Variants in CTDSP1 observed in about 807,000 individuals in gnomAD.
CTDSP1 encodes carboxy-terminal domain RNA polymerase II polypeptide A small phosphatase 1.
CTDSP1 carries 15 observed loss-of-function variants against 32.5 expected under a neutral mutation model. That is an observed-to-expected ratio of 0.46 (90% CI 0.31 to 0.71). The LOEUF (loss-of-function observed/expected upper bound fraction) is 0.71. Ranked by LOEUF, CTDSP1 falls within the 30% of genes least tolerant of loss-of-function variation. The probability of loss-of-function intolerance (pLI) is 0.05; values close to 1 mark genes in which losing one functional copy is unlikely to be tolerated. For missense variants in CTDSP1, 294 were observed against 351.1 expected, an observed-to-expected ratio of 0.84 and a Z score of 1.30; for synonymous variants, 185 against 145.4, an observed-to-expected ratio of 1.27 and a Z score of -1.96.
intron 1 of CTDSP1, 21 bp downstream of exon 1, chr2:218,400,178 G>T: frequency 6.5e-7 from 1 of 1,534,632 alleles, no homozygotes; most frequent in Non-Finnish European, 8.8e-7. Context: ...TGCGGGGAGG[G>T]GGCCGAAGCC....
At chr2:218,403,480 C>G in intron 6 of CTDSP1, 63 bp downstream of exon 6, 1 of 1,461,122 alleles carries the variant, frequency 6.8e-7, no homozygotes. Flanking sequence ...TCAGTCCATT[C>G]AGGCCACCTT....
chr2:218,397,379 G>T (rs1696874531), upstream of CTDSP1, among the ~76,000 whole-genome samples: 1 of 152,134 alleles, frequency 6.6e-6, no homozygotes, highest in African/African-American at 2.4e-5. Flanking sequence ...TCTTCTGGAA[G>T]CTCCCTTTAG....
chr2:218,401,068 C>T (rs560513807), intron 1 of CTDSP1: 1 of 395,064 alleles, frequency 2.5e-6, no homozygotes, highest in Non-Finnish European at 5.2e-6. Context: ...CCACTGGACA[C>T]TGGCCCCAGG....
intron 1 of CTDSP1, chr2:218,400,875 C>T (rs1697096104): frequency 1.1e-5 from 5 of 456,074 alleles, no homozygotes; most frequent in Non-Finnish European, 2.2e-5. Context: ...GTGTGGACCT[C>T]AGGATCTGGA....
rs1384862455 is a variant in CTDSP1 at position 218,400,133 on chromosome 2, G to A, written c.43G>A (p.Ala15Thr). ...CATTACTCAGATCAGCAAGGAGGAG[G>A]CTCGGGGCCCGCTGCGGGGCAAAGG... ...AVITQISKEE[A>T]RGPLRGKGDQ... The change falls in exon 1 of 7, where the codon GCT (alanine) becomes ACT (threonine). Residue 15 changes from alanine to threonine, a missense_variant. Coordinates refer to ENST00000273062, the MANE Select transcript of CTDSP1 (RefSeq NM_021198.3). 9.1e-6 allele frequency: 14 copies of A among 1,545,610 alleles called. No homozygotes were observed. Among genetic ancestry groups the A allele is most frequent in the Admixed American group, 4.0e-5 (2 of 50,440 alleles).
rs775939966 is a variant in CTDSP1, at chr2:218,404,277, TCCTA to T, written c.658-18_658-15del. On this transcript the variant is annotated splice_polypyrimidine_tract_variant and intron_variant, in intron 6 of 6. Coordinates refer to ENST00000273062, the MANE Select transcript of CTDSP1 (RefSeq NM_021198.3). ...CCAGGACCACCTGCCCCCCTCATCTTCCTACACCCACTTCCCCAGGTACCGGTGG... is the reference window on the plus strand; with the variant it reads ...CCAGGACCACCTGCCCCCCTCATCTTCACCCACTTCCCCAGGTACCGGTGG... 6.2e-7 allele frequency: 1 copy of T among 1,613,172 alleles called. No homozygotes were observed. The highest frequency in any genetic ancestry group is 8.5e-7 in the Non-Finnish European group (1 of 1,179,418).
chr2:218,397,496 A>G (rs1194873383), upstream of CTDSP1, among the ~76,000 whole-genome samples: 7 of 152,108 alleles, frequency 4.6e-5, no homozygotes, highest in Non-Finnish European at 1.0e-4. Context: ...GGCTTTTACC[A>G]GCCCTGTTTG....
upstream of CTDSP1, chr2:218,398,198 G>A (rs1322224509): frequency 2.5e-5 from 14 of 562,390 alleles, no homozygotes; most frequent in South Asian, 2.0e-4. Context: ...CGGACCGCAG[G>A]GGAGACAGAT....
chr2:218,402,252 G>T, intron 3 of CTDSP1, 37 bp downstream of exon 3: 1 of 1,612,102 alleles, frequency 6.2e-7, no homozygotes. Flanking sequence ...CCGGGTCTCG[G>T]GGGGCATCCC....
At chr2:218,401,457 G>C (rs899958311) in intron 1 of CTDSP1, 107 bp from the exon 2 acceptor site, 4 of 1,317,548 alleles carry the variant, frequency 3.0e-6, no homozygotes, top group Admixed American at 2.2e-5. Flanking sequence ...CTGGATGAAG[G>C]GGCCACGGCA....
At chr2:218,401,109 A>G in intron 1 of CTDSP1, 1 of 370,458 alleles carries the variant, frequency 2.7e-6, no homozygotes, top group Non-Finnish European at 5.5e-6. Flanking sequence ...CTCTGGGCCC[A>G]GCCGCAGTGA....
intron 1 of CTDSP1, chr2:218,400,961 G>A (rs907009821): frequency 2.4e-5 from 11 of 449,452 alleles, no homozygotes; most frequent in African/African-American, 1.8e-4. Flanking sequence ...AAGGCTAGTT[G>A]CAGGGGGCCG....
At chr2:218,398,846 G>A (rs1696954622), upstream of CTDSP1, 2 of 159,388 alleles carry the variant, frequency 1.3e-5, no homozygotes, top group African/African-American at 2.4e-5. Flanking sequence ...GCAGACCCAC[G>A]GCGCGCACCA....
At position 218,405,629 on chromosome 2, in the gene CTDSP1, C is replaced by T. The variant is rs945448569; in HGVS notation, c.*1204C>T. 1 of 152,934 alleles carries T rather than the reference C, an allele frequency of 6.5e-6. No individual in the cohort carries two copies. Among genetic ancestry groups the T allele is most frequent in the Non-Finnish European group, 1.5e-5 (1 of 68,134 alleles). 9.5% of individuals were successfully genotyped at this position (152,934 alleles called of 1,614,324 possible). Reference sequence around the variant, plus strand: ...CAACCCATCTCCTACAGCCCCCTGCCTGATCCCCTGCTGGCTGGGGGCAGC... The same window carrying T: ...CAACCCATCTCCTACAGCCCCCTGCTTGATCCCCTGCTGGCTGGGGGCAGC... On this transcript the variant is annotated 3_prime_UTR_variant, in exon 7 of 7. Transcript: ENST00000273062.
upstream of CTDSP1, chr2:218,398,284 TCA>T (rs1491307932): frequency 2.4e-6 from 2 of 845,790 alleles, no homozygotes; most frequent in African/African-American, 1.8e-5. Flanking sequence ...TTCTTGAAAC[TCA>T]GTTTCCTCAT....
At position 218,401,549 on chromosome 2, in the gene CTDSP1, G is replaced by T; in HGVS notation, c.68-15G>T. The T allele has an allele frequency of 1.2e-6, 2 of 1,613,392 alleles. No individual in the cohort carries two copies. The highest frequency in any genetic ancestry group is 1.7e-6 in the Non-Finnish European group (2 of 1,179,660). ...AGTGTGCACCGAGCCTCCAACTTGT[G>T]CCTCCCTACTTCAGGTGACCAGAAG... On this transcript the variant is annotated splice_polypyrimidine_tract_variant and intron_variant, in intron 1 of 6. Transcript: ENST00000273062.
At chr2:218,400,702 A>G (rs1697083646) in intron 1 of CTDSP1, 1 of 455,608 alleles carries the variant, frequency 2.2e-6, no homozygotes, top group Non-Finnish European at 4.4e-6. Context: ...CCTCGGAGGC[A>G]CAGAGAGGAC....
intron 4 of CTDSP1, 194 bp from the exon 5 acceptor site, chr2:218,402,841 G>T: frequency 1.5e-6 from 1 of 668,198 alleles, no homozygotes; most frequent in Non-Finnish European, 2.8e-6. Context: ...CAGTGGAGTG[G>T]AAGTTTTGAT....
chr2:218,400,032 C>G lies in CTDSP1; in HGVS notation c.-59C>G. On this transcript the variant is annotated 5_prime_UTR_variant, in exon 1 of 7. Coordinates refer to ENST00000273062, the MANE Select transcript of CTDSP1 (RefSeq NM_021198.3). ...CCCGCGCCCCGATTCCGGCCCCAGC[C>G]GGGGGGGAGGCCGGGCGCCCGGGCC... is the stretch of plus-strand genomic sequence containing the variant. 2 of 1,343,472 alleles carry G rather than the reference C, an allele frequency of 1.5e-6. No individual in the cohort carries two copies. Among genetic ancestry groups the G allele is most frequent in the Non-Finnish European group, 1.9e-6 (2 of 1,044,408 alleles). 83.2% of individuals were successfully genotyped at this position (1,343,472 alleles called of 1,614,324 possible). A position where few individuals can be genotyped will look rare whatever the true frequency, so the allele number is the denominator to read the frequency against.
Sources: gnomAD v4.1 joint callset for allele counts (sites outside exome capture counted in the v4.1 genomes callset) on GRCh38, gnomAD v4.1.1 for gene constraint, MANE v1.5 for transcripts, NCBI Gene and HGNC (gene_info 2026-07-23, HGNC 2026-07-21) for gene names.